The following SLC25A48 variants were observed in gnomAD, a reference collection of about 807,000 sequenced individuals.
The protein encoded by SLC25A48 is CTC-321K16.1.
In SLC25A48, 29 loss-of-function variants were observed where a neutral mutation model predicts 32.2. The ratio of observed to expected loss-of-function variants is 0.90; its 90% confidence interval spans 0.67 to 1.23. The LOEUF (loss-of-function observed/expected upper bound fraction) is 1.23, where lower values mean the gene tolerates loss of function less well. Ranked by LOEUF, SLC25A48 falls within the 50% of genes most tolerant of loss-of-function variation. The pLI is 0.00. For missense variants in SLC25A48, 399 were observed against 422.7 expected (o/e 0.94, Z 0.49); for synonymous variants, 164 against 172.3 (o/e 0.95, Z 0.38).
At chr5:135,785,402 A>C (rs1756812339) in intron 3 of SLC25A48, among the ~76,000 whole-genome samples, 1 of 151,112 alleles carries the variant, frequency 6.6e-6, no homozygotes, top group African/African-American at 2.4e-5. Context: ...TGTAATATCC[A>C]GTGGGGGAAA....
intron 3 of SLC25A48, among the ~76,000 whole-genome samples, chr5:135,720,934 C>T (rs897896390): frequency 2.6e-4 from 40 of 152,098 alleles, no homozygotes; most frequent in Non-Finnish European, 3.4e-4. Flanking sequence ...CCTAGCATTC[C>T]TGAGTATATC....
At chr5:135,871,870 C>G in intron 5 of SLC25A48, 152 bp downstream of exon 5, 2 of 1,509,732 alleles carry the variant, frequency 1.3e-6, no homozygotes, top group South Asian at 1.4e-5. Context: ...ACTCTGTCCC[C>G]GGCCCTCTCC....
At chr5:135,718,630 C>T (rs2126980661) in intron 3 of SLC25A48, among the ~76,000 whole-genome samples, 1 of 152,204 alleles carries the variant, frequency 6.6e-6, no homozygotes, top group Non-Finnish European at 1.5e-5. Flanking sequence ...AGAGAAATCC[C>T]TTTATTAAAA....
chr5:135,612,201 T>C (rs1383405423), intron 1 of SLC25A48, among the ~76,000 whole-genome samples: 1 of 152,210 alleles, frequency 6.6e-6, no homozygotes, highest in Non-Finnish European at 1.5e-5. Flanking sequence ...TAAAGATTAT[T>C]TGAATTGGTG....
At chr5:135,601,321 T>C (rs1279301135) in intron 1 of SLC25A48, 1 of 152,280 alleles carries the variant, frequency 6.6e-6, no homozygotes, top group Admixed American at 6.5e-5. Context: ...GCATACTGTT[T>C]TGTGCACATG....
Position 135,834,771 on chromosome 5 carries a change from C to G in SLC25A48, c.-77C>G. 1.4e-6 allele frequency: 2 copies of G among 1,450,274 alleles called. No homozygotes were observed. The highest frequency in any genetic ancestry group is 1.8e-6 in the Non-Finnish European group (2 of 1,086,718). The allele number at this position is 1,450,274 out of a possible 1,614,324, so 89.8% of individuals were successfully genotyped here. On this transcript the variant is annotated 5_prime_UTR_variant, in exon 1 of 8. Coordinates refer to ENST00000681962, the MANE Select transcript of SLC25A48 (RefSeq NM_001349336.2). ...TCCGACTTCGGTCTTGCGGCGCGCT[C>G]GCGCCCGCGGGCCATGCCCCACTGA...
At chr5:135,582,700 T>A (rs1751262462) in intron 1 of SLC25A48, among the ~76,000 whole-genome samples, 1 of 152,106 alleles carries the variant, frequency 6.6e-6, no homozygotes, top group Admixed American at 6.5e-5. Context: ...CAGGCTGTGC[T>A]CCAGATACTC....
At chr5:135,665,587 A>G (rs2126937664) in intron 3 of SLC25A48, among the ~76,000 whole-genome samples, 1 of 152,206 alleles carries the variant, frequency 6.6e-6, no homozygotes, top group East Asian at 1.9e-4. Flanking sequence ...CCTCTGATCT[A>G]TCTTGCGTTG....
At chr5:135,666,092 G>C (rs1753519311) in intron 3 of SLC25A48, among the ~76,000 whole-genome samples, 1 of 152,186 alleles carries the variant, frequency 6.6e-6, no homozygotes, top group Non-Finnish European at 1.5e-5. Flanking sequence ...AGTGACAGAG[G>C]TGAACTGTCT....
intron 3 of SLC25A48, among the ~76,000 whole-genome samples, chr5:135,723,083 C>T (rs1296970654): frequency 6.6e-6 from 1 of 152,200 alleles, no homozygotes; most frequent in Non-Finnish European, 1.5e-5. Flanking sequence ...AGGAAGGAGC[C>T]AGCCCCTGTG....
intron 3 of SLC25A48, chr5:135,714,662 C>A (rs2126977423): frequency 6.6e-6 from 1 of 152,368 alleles, no homozygotes; most frequent in Admixed American, 6.5e-5. Context: ...CTACTTAACA[C>A]TGAGCATTTC....
chr5:135,876,820 C>T (rs1254312607), intron 6 of SLC25A48, among the ~76,000 whole-genome samples: 1 of 152,168 alleles, frequency 6.6e-6, no homozygotes, highest in African/African-American at 2.4e-5. Flanking sequence ...AGTTTTCTGG[C>T]AGCCGCAGCA....
intron 3 of SLC25A48, among the ~76,000 whole-genome samples, chr5:135,764,043 G>A (rs985184764): frequency 1.3e-5 from 2 of 152,152 alleles, no homozygotes; most frequent in African/African-American, 4.8e-5. Flanking sequence ...TTCGGGGGAT[G>A]TGATATGGTT....
chr5:135,696,280 G>C (rs540361817), intron 3 of SLC25A48, among the ~76,000 whole-genome samples: 1 of 152,306 alleles, frequency 6.6e-6, no homozygotes, highest in African/African-American at 2.4e-5. Flanking sequence ...TCTGCTACCA[G>C]TTGAGGGCAA....
At chr5:135,882,261 A>G (rs925238705) in intron 7 of SLC25A48, among the ~76,000 whole-genome samples, 9 of 152,232 alleles carry the variant, frequency 5.9e-5, no homozygotes, top group Admixed American at 5.9e-4. Flanking sequence ...AGTCTTGCCC[A>G]TGGCATTCAA....
intron 1 of SLC25A48, among the ~76,000 whole-genome samples, chr5:135,594,772 G>A (rs1209061588): frequency 6.6e-6 from 1 of 152,192 alleles, no homozygotes; most frequent in African/African-American, 2.4e-5. Context: ...TGCTCTCACG[G>A]CATCACTGCT....
At chr5:135,807,252 A>T (rs546341121) in intron 3 of SLC25A48, among the ~76,000 whole-genome samples, 5 of 150,698 alleles carry the variant, frequency 3.3e-5, no homozygotes, top group Admixed American at 6.6e-5. Context: ...TGAATGTCAT[A>T]GTATGTTAAC....
At chr5:135,659,586 GC>G (rs959315207) in intron 3 of SLC25A48, among the ~76,000 whole-genome samples, 38 of 152,294 alleles carry the variant, frequency 2.5e-4, no homozygotes, top group Admixed American at 2.1e-3. Context: ...TTATAGCAAT[GC>G]CCCCTTTCTG....
intron 3 of SLC25A48, among the ~76,000 whole-genome samples, chr5:135,680,406 G>A (rs1200552714): frequency 6.6e-6 from 1 of 152,056 alleles, no homozygotes; most frequent in Non-Finnish European, 1.5e-5. Flanking sequence ...TTTTGATTAG[G>A]ATTACAATGA....
Sources: allele counts gnomAD v4.1 joint callset (sites outside exome capture counted in the v4.1 genomes callset), GRCh38; gene constraint gnomAD v4.1.1; transcripts MANE v1.5; gene names NCBI Gene and HGNC (gene_info 2026-07-23, HGNC 2026-07-21).